Variants in PIBF1 observed in about 807,000 individuals in gnomAD.
The protein encoded by PIBF1 is progesterone-induced-blocking factor 1.
A neutral mutation model predicts 112.5 loss-of-function variants in PIBF1; 90 were observed. The ratio of observed to expected loss-of-function variants is 0.80; its 90% CI spans 0.67 to 0.95. PIBF1 has a LOEUF of 0.95. Ranked by LOEUF, PIBF1 falls within the 40% of genes least tolerant of loss-of-function variation. PIBF1 has a pLI of 0.00. For missense variants in PIBF1, 915 were observed against 852.3 expected, an observed-to-expected ratio of 1.07 and a Z score of -0.92; for synonymous variants, 301 against 288.6, an observed-to-expected ratio of 1.04 and a Z score of -0.44.
At chr13:72,916,186 T>G (rs1406942466) in intron 12 of PIBF1, among the ~76,000 whole-genome samples, 1 of 151,736 alleles carries the variant, frequency 6.6e-6, no homozygotes, top group Non-Finnish European at 1.5e-5. Context: ...GTTGGGAGTT[T>G]GAGACCAGCC....
chr13:72,809,999 A>G (rs1238991264), intron 5 of PIBF1, among the ~76,000 whole-genome samples: 1 of 152,232 alleles, frequency 6.6e-6, no homozygotes, highest in Non-Finnish European at 1.5e-5. Context: ...GTTATTTGCA[A>G]ATAACATCTA....
intron 10 of PIBF1, among the ~76,000 whole-genome samples, chr13:72,892,804 A>ACACACACACG (rs1224594579): frequency 2.2e-4 from 33 of 149,472 alleles, no homozygotes; most frequent in African/African-American, 7.6e-4. Flanking sequence ...ACACACACAC[A>ACACACACACG]CACACGCACA....
chr13:72,988,284 G>A (rs2043370325), intron 16 of PIBF1, among the ~76,000 whole-genome samples: 2 of 152,048 alleles, frequency 1.3e-5, no homozygotes, highest in Admixed American at 1.3e-4. Context: ...GTACATTGTA[G>A]ATACTCAGTG....
chr13:72,874,350 G>A (rs1022892688), intron 10 of PIBF1, among the ~76,000 whole-genome samples: 5 of 152,078 alleles, frequency 3.3e-5, no homozygotes, highest in Admixed American at 2.6e-4. Flanking sequence ...GAAACAACTA[G>A]TGCATCAAAC....
chr13:72,816,639 C>G (rs1593961462), intron 5 of PIBF1, among the ~76,000 whole-genome samples: 1 of 140,142 alleles, frequency 7.1e-6, no homozygotes, highest in African/African-American at 2.7e-5. Flanking sequence ...CCAGCCTGGG[C>G]AACAGAGTGA....
intron 13 of PIBF1, among the ~76,000 whole-genome samples, chr13:72,920,579 A>T (rs2041252966): frequency 6.6e-6 from 1 of 152,232 alleles, no homozygotes. Flanking sequence ...TTTAAGATAA[A>T]AGCAGTATAA....
chr13:72,870,390 A>G (rs1021892576), intron 10 of PIBF1, among the ~76,000 whole-genome samples: 39 of 152,136 alleles, frequency 2.6e-4, no homozygotes, highest in Non-Finnish European at 3.8e-4. Context: ...ATCTCTCCCC[A>G]TGGTTTCAGA....
At chr13:72,797,337 T>G (rs1471986006) in intron 4 of PIBF1, among the ~76,000 whole-genome samples, 1 of 152,110 alleles carries the variant, frequency 6.6e-6, no homozygotes, top group African/African-American at 2.4e-5. Context: ...CCTCAGGTTG[T>G]GAAAGTGGAG....
intron 17 of PIBF1, among the ~76,000 whole-genome samples, chr13:73,011,435 G>GA (rs79868311): frequency 0.21 from 32,232 of 151,848 alleles, 3,499 homozygotes; most frequent in East Asian, 0.25. Context: ...CAGTGGGAGG[G>GA]AAAAAAGAAC....
intron 10 of PIBF1, among the ~76,000 whole-genome samples, chr13:72,887,850 C>T (rs557930422): frequency 5.9e-5 from 9 of 152,068 alleles, no homozygotes; most frequent in Non-Finnish European, 1.2e-4. Flanking sequence ...CCATGATTCA[C>T]GTCTAAATAT....
At chr13:72,784,450 G>GTAA (rs956181370) in intron 2 of PIBF1, among the ~76,000 whole-genome samples, 60 of 146,402 alleles carry the variant, frequency 4.1e-4, no homozygotes, top group Middle Eastern at 3.8e-3. Context: ...TCAAAAACTA[G>GTAA]TAATAATAAT....
At position 72,786,592 on chromosome 13, in the gene PIBF1, A is replaced by G. The variant is rs533516569; in HGVS notation, c.252+2871A>G. Among the ~76,000 whole-genome samples the G allele has an allele frequency of 1.5e-3, 235 of 152,138 alleles. 1 individual carries two copies. Among genetic ancestry groups the G allele is most frequent in the African/African-American group, 5.6e-3 (231 of 41,502 alleles). On this transcript the variant is annotated intron_variant, in intron 2 of 17. Transcript: ENST00000326291. ...TTTGTGTGCGTCTACCAGTCTTTCT[A>G]CTCCTACATTGCTAGGCATCCAGAT...
intron 16 of PIBF1, among the ~76,000 whole-genome samples, chr13:72,987,907 G>C (rs1240162172): frequency 8.1e-6 from 1 of 123,932 alleles, no homozygotes; most frequent in Non-Finnish European, 1.6e-5. Context: ...TCTGTCGCCA[G>C]ACTGGAGTGC....
intron 9 of PIBF1, among the ~76,000 whole-genome samples, chr13:72,844,759 ACACAC>A: frequency 8.3e-6 from 1 of 120,454 alleles, no homozygotes; most frequent in African/African-American, 3.1e-5. Flanking sequence ...ACACACACAC[ACACAC>A]ACACACACAC....
intron 13 of PIBF1, among the ~76,000 whole-genome samples, chr13:72,922,028 G>A (rs974313669): frequency 1.2e-4 from 18 of 152,162 alleles, no homozygotes; most frequent in Admixed American, 9.8e-4. Context: ...TACTCAGGTC[G>A]GAATGCAGTG....
chr13:72,824,048 T>C (rs973195620), intron 6 of PIBF1, among the ~76,000 whole-genome samples: 1 of 151,968 alleles, frequency 6.6e-6, no homozygotes, highest in East Asian at 1.9e-4. Flanking sequence ...GAGTCTCACT[T>C]TGTCACCCAG....
intron 5 of PIBF1, among the ~76,000 whole-genome samples, chr13:72,810,062 G>C (rs1466065303): frequency 6.6e-6 from 1 of 152,124 alleles, no homozygotes; most frequent in East Asian, 1.9e-4. Context: ...CAAGTCCGGA[G>C]TTTATTTAAA....
At chr13:72,979,573 G>A (rs1362551385) in intron 16 of PIBF1, among the ~76,000 whole-genome samples, 2 of 152,100 alleles carry the variant, frequency 1.3e-5, no homozygotes, top group African/African-American at 4.8e-5. Flanking sequence ...GTGGTGTCTT[G>A]AACTAGATTG....
chr13:72,798,028 T>C lies in PIBF1; in HGVS notation c.672+2T>C. 1.3e-6 allele frequency: 2 copies of C among 1,587,286 alleles called. No individual in the cohort carries two copies. The highest frequency in any genetic ancestry group is 1.7e-6 in the Non-Finnish European group (2 of 1,171,004). On this transcript the variant is annotated splice_donor_variant, in intron 5 of 17. Transcript: ENST00000326291. LOFTEE classifies it high-confidence loss of function. ...AACCAACTGAAGCAGCTGACAGAGG[T>C]TTGTATGGTTTTGATTGCTGGTGGG...
Sources: gnomAD v4.1 joint callset for allele counts (sites outside exome capture counted in the v4.1 genomes callset) on GRCh38, gnomAD v4.1.1 for gene constraint, MANE v1.5 for transcripts, NCBI Gene and HGNC (gene_info 2026-07-23, HGNC 2026-07-21) for gene names.